The following NMNAT3 variants were observed in gnomAD, a reference collection of about 807,000 sequenced individuals.
NMNAT3 encodes the protein nicotinamide nucleotide adenylyltransferase 3.
Under a neutral mutation model 24.8 loss-of-function variants are expected in NMNAT3, and 21 were observed. The ratio of observed to expected loss-of-function variants is 0.85; its 90% CI spans 0.60 to 1.22. The LOEUF (loss-of-function observed/expected upper bound fraction) is 1.22, where lower values mean the gene tolerates loss of function less well. Ranked by LOEUF, NMNAT3 falls within the 50% of genes most tolerant of loss-of-function variation. The pLI, the probability that NMNAT3 is intolerant of heterozygous loss-of-function variation, is 0.00. For missense variants in NMNAT3, 387 were observed against 436.6 expected (o/e 0.89, Z 1.01); for synonymous variants, 136 against 155.2 (o/e 0.88, Z 0.92).
Position 139,627,632 on chromosome 3 carries a change from A to G in NMNAT3, c.93T>C (p.Asp31=). ...CTGACTGACCTGTTTGGTGTAGGTG[A>G]TCTCTGGCCACCTCAAACATGCGCA... The change falls in exon 3 of 7, where the codon GAT becomes GAC. Residue 31 remains aspartate (D), a synonymous_variant. Coordinates refer to ENST00000643695, the MANE Select transcript of NMNAT3 (RefSeq NM_001320510.2). 6.3e-7 allele frequency: 1 copy of G among 1,589,112 alleles called. No individual in the cohort carries two copies. Among genetic ancestry groups the G allele is most frequent in the Non-Finnish European group, 8.5e-7 (1 of 1,174,246 alleles).
At chr3:139,631,248 C>A (rs936246107) in intron 2 of NMNAT3, among the ~76,000 whole-genome samples, 5 of 152,100 alleles carry the variant, frequency 3.3e-5, no homozygotes, top group Non-Finnish European at 7.3e-5. Context: ...GGTCAGTGCA[C>A]CTGTACCATG....
At chr3:139,575,526 C>T in intron 5 of NMNAT3, 1 of 941,912 alleles carries the variant, frequency 1.1e-6, no homozygotes, top group South Asian at 4.9e-5. Flanking sequence ...CATGAAAGAG[C>T]TTGGCACACA....
chr3:139,664,054 A>G (rs2057502036), intron 1 of NMNAT3, among the ~76,000 whole-genome samples: 1 of 152,258 alleles, frequency 6.6e-6, no homozygotes, highest in Non-Finnish European at 1.5e-5. Flanking sequence ...TGAGAAAATC[A>G]GACAGTAAAC....
chr3:139,662,037 C>A (rs1326549517), intron 1 of NMNAT3, among the ~76,000 whole-genome samples: 1 of 152,116 alleles, frequency 6.6e-6, no homozygotes, highest in Non-Finnish European at 1.5e-5. Flanking sequence ...CCTCAAGAAG[C>A]AAGTGTGTCC....
At chr3:139,573,365 T>C (rs762341062) in intron 6 of NMNAT3, among the ~76,000 whole-genome samples, 3 of 152,200 alleles carry the variant, frequency 2.0e-5, no homozygotes, top group South Asian at 2.1e-4. Flanking sequence ...GTAAACTTCT[T>C]TGGGGCAAAA....
intron 3 of NMNAT3, among the ~76,000 whole-genome samples, chr3:139,625,344 G>A (rs1406136759): frequency 6.6e-6 from 1 of 152,118 alleles, no homozygotes; most frequent in East Asian, 1.9e-4. Context: ...TATTGATATA[G>A]TTAGGTTTAA....
chr3:139,645,075 G>C (rs991694068), intron 1 of NMNAT3, among the ~76,000 whole-genome samples: 1 of 152,052 alleles, frequency 6.6e-6, no homozygotes, highest in Non-Finnish European at 1.5e-5. Context: ...GGTGGCACAC[G>C]CCTGTAATCC....
At chr3:139,629,150 TCTTGCTCACCTCTTTTGCTTTCTTA>T (rs1348120245) in intron 2 of NMNAT3, among the ~76,000 whole-genome samples, 1 of 152,222 alleles carries the variant, frequency 6.6e-6, no homozygotes, top group Non-Finnish European at 1.5e-5. Context: ...CTGGCTTCCC[TCTTGCTCACCTCTTTTGCTTTCTTA>T]CTTGCTCACC....
chr3:139,592,260 GT>G (rs1224174817), intron 3 of NMNAT3, among the ~76,000 whole-genome samples: 1 of 152,146 alleles, frequency 6.6e-6, no homozygotes, highest in Admixed American at 6.5e-5. Flanking sequence ...GAGAAGGGAA[GT>G]TTAGAGAAAA....
chr3:139,637,681 T>A (rs2056551742), intron 2 of NMNAT3: 2 of 152,212 alleles, frequency 1.3e-5, no homozygotes, highest in African/African-American at 4.8e-5. Context: ...GTCTTCTGCA[T>A]GTTCCTGCTT....
At chr3:139,621,258 A>G (rs1342377360) in intron 3 of NMNAT3, among the ~76,000 whole-genome samples, 1 of 152,218 alleles carries the variant, frequency 6.6e-6, no homozygotes, top group Non-Finnish European at 1.5e-5. Flanking sequence ...CGTGATCTTC[A>G]TCTGCATTTC....
rs188734884 is a variant in NMNAT3 at position 139,572,432 on chromosome 3, C to T, written c.658+1166G>A. Among the ~76,000 whole-genome samples the T allele has an allele frequency of 2.4e-3, 358 of 152,272 alleles. 4 individuals carry two copies. Among genetic ancestry groups the T allele is most frequent in the African/African-American group, 8.4e-3 (350 of 41,540 alleles). On this transcript the variant is annotated intron_variant, in intron 6 of 6. Transcript: ENST00000643695. ...TGTAACTCCTTCTTAGATTCTTACT[C>T]TCATGCACAGCCCCCCAGACTGGCT...
chr3:139,677,345 G>A (rs1015256500), intron 1 of NMNAT3, among the ~76,000 whole-genome samples: 1 of 152,244 alleles, frequency 6.6e-6, no homozygotes, highest in Admixed American at 6.5e-5. Flanking sequence ...ACTTAGCCCA[G>A]CAGCGGACAC....
chr3:139,662,953 G>T (rs1465390348), intron 1 of NMNAT3, among the ~76,000 whole-genome samples: 3 of 152,294 alleles, frequency 2.0e-5, no homozygotes, highest in Middle Eastern at 3.4e-3. Flanking sequence ...TTTGAGGGAG[G>T]TACGACTATT....
At chr3:139,632,781 C>G (rs1178626125) in intron 2 of NMNAT3, among the ~76,000 whole-genome samples, 4 of 152,164 alleles carry the variant, frequency 2.6e-5, no homozygotes, top group Admixed American at 2.6e-4. Context: ...CACCTCACTG[C>G]AAGAGGCTGA....
chr3:139,658,513 C>G (rs2057315435), intron 1 of NMNAT3, among the ~76,000 whole-genome samples: 1 of 152,214 alleles, frequency 6.6e-6, no homozygotes, highest in Non-Finnish European at 1.5e-5. Flanking sequence ...AATTTCTTCC[C>G]AAACTTTATT....
chr3:139,600,732 C>T (rs2054676318), intron 3 of NMNAT3, among the ~76,000 whole-genome samples: 1 of 152,154 alleles, frequency 6.6e-6, no homozygotes, highest in Non-Finnish European at 1.5e-5. Context: ...CTGCAATCAT[C>T]TCTCTGAGTC....
At chr3:139,676,018 T>C (rs993840681) in intron 1 of NMNAT3, among the ~76,000 whole-genome samples, 2 of 152,194 alleles carry the variant, frequency 1.3e-5, no homozygotes, top group Non-Finnish European at 2.9e-5. Flanking sequence ...GCCTGGAGCT[T>C]CCCTTCTCAT....
At chr3:139,579,627 G>A (rs1010686454) in intron 4 of NMNAT3, among the ~76,000 whole-genome samples, 1 of 152,112 alleles carries the variant, frequency 6.6e-6, no homozygotes, top group Admixed American at 6.5e-5. Context: ...CTTTGAAATA[G>A]CCATGGACTG....
Sources: allele counts gnomAD v4.1 joint callset (sites outside exome capture counted in the v4.1 genomes callset), GRCh38; gene constraint gnomAD v4.1.1; transcripts MANE v1.5; gene names NCBI Gene and HGNC (gene_info 2026-07-23, HGNC 2026-07-21).